Variants in TSPAN13 observed in about 807,000 individuals in gnomAD.
TSPAN13 encodes the protein tetraspanin-13.
Under a neutral mutation model 26.9 loss-of-function variants are expected in TSPAN13, and 18 were observed. The observed-to-expected ratio is 0.67, with a 90% CI of 0.46 to 0.99. TSPAN13 has a LOEUF of 0.99. Among genes scored for constraint, TSPAN13 ranks in the 50% least tolerant of loss-of-function variants. TSPAN13 has a pLI of 0.00. For missense variants in TSPAN13, 201 were observed against 249.6 expected (o/e 0.81, Z 1.31); for synonymous variants, 116 against 98.4 (o/e 1.18, Z -1.06).
intron 5 of TSPAN13, 129 bp from the exon 6 acceptor site, chr7:16,783,288 A>C: frequency 1.1e-6 from 1 of 884,340 alleles, no homozygotes; most frequent in African/African-American, 1.7e-5. Context: ...AAGAAAAAAA[A>C]TCTCTCCCCG....
intron 1 of TSPAN13, among the ~76,000 whole-genome samples, chr7:16,766,987 A>G (rs1042736508): frequency 2.6e-5 from 4 of 152,026 alleles, no homozygotes; most frequent in East Asian, 1.9e-4. Flanking sequence ...GCTGGAGTGC[A>G]GTGGCTATTC....
At chr7:16,768,886 AT>A (rs886888394) in intron 1 of TSPAN13, among the ~76,000 whole-genome samples, 2 of 151,234 alleles carry the variant, frequency 1.3e-5, no homozygotes, top group Non-Finnish European at 2.9e-5. Flanking sequence ...CTCTTATTTT[AT>A]TTTTTTTGAG....
intron 1 of TSPAN13, among the ~76,000 whole-genome samples, chr7:16,761,391 T>C (rs76808794): frequency 0.019 from 2,836 of 152,366 alleles, 81 homozygotes; most frequent in African/African-American, 0.064. Context: ...CGTAGAAACA[T>C]GTGCTTGATC....
chr7:16,757,859 G>C (rs1488505966), intron 1 of TSPAN13, among the ~76,000 whole-genome samples: 1 of 152,106 alleles, frequency 6.6e-6, no homozygotes. Flanking sequence ...TTGAGATGGA[G>C]TTTCACTCTC....
chr7:16,767,297 T>C (rs1166292417), intron 1 of TSPAN13, among the ~76,000 whole-genome samples: 1 of 152,220 alleles, frequency 6.6e-6, no homozygotes, highest in African/African-American at 2.4e-5. Context: ...AGTATTGTTT[T>C]TTGTGTTTGA....
At chr7:16,762,574 C>T (rs1054050524) in intron 1 of TSPAN13, among the ~76,000 whole-genome samples, 3 of 152,140 alleles carry the variant, frequency 2.0e-5, no homozygotes, top group Admixed American at 6.6e-5. Context: ...GGCTTTAAAA[C>T]CAAGACCACA....
intron 1 of TSPAN13, among the ~76,000 whole-genome samples, chr7:16,770,607 T>G (rs1405095845): frequency 6.6e-6 from 1 of 152,248 alleles, no homozygotes; most frequent in Non-Finnish European, 1.5e-5. Flanking sequence ...CCTTCTTTTG[T>G]TATATTTGTC....
chr7:16,778,212 A>G (rs189326737), intron 4 of TSPAN13, among the ~76,000 whole-genome samples: 8 of 152,282 alleles, frequency 5.3e-5, no homozygotes, highest in Non-Finnish European at 1.0e-4. Flanking sequence ...ACGTCAGTTC[A>G]TGTGTTCATA....
Position 16,756,212 on chromosome 7 carries a change from T to G in TSPAN13, c.63+2182T>G, listed in dbSNP as rs190999476. On this transcript the variant is annotated intron_variant, in intron 1 of 5. Transcript: ENST00000262067. ...TGATCTCTTTCTCAACATTTTAAGA[T>G]GAAAAAAATGTGAGGCAGTTGGGGA... is the stretch of plus-strand genomic sequence containing the variant. Among the ~76,000 whole-genome samples, 478 of 152,222 alleles carry G rather than the reference T, an allele frequency of 3.1e-3. 7 individuals are homozygous for G. The highest frequency in any genetic ancestry group is 0.018 in the Admixed American group (272 of 15,292).
At chr7:16,765,707 A>G (rs567711902) in intron 1 of TSPAN13, among the ~76,000 whole-genome samples, 2 of 152,352 alleles carry the variant, frequency 1.3e-5, no homozygotes, top group East Asian at 1.9e-4. Context: ...CATTACCAGC[A>G]ATGAATTAAC....
At chr7:16,754,181 G>T in intron 1 of TSPAN13, 151 bp downstream of exon 1, 1 of 789,580 alleles carries the variant, frequency 1.3e-6, no homozygotes, top group Non-Finnish European at 2.0e-6. Flanking sequence ...CTCACCATCC[G>T]TCCCCGCCGG....
At chr7:16,763,348 C>T (rs931015991) in intron 1 of TSPAN13, among the ~76,000 whole-genome samples, 10 of 152,306 alleles carry the variant, frequency 6.6e-5, no homozygotes, top group African/African-American at 1.2e-4. Flanking sequence ...TTATGATCAA[C>T]ACAAGGTGAA....
chr7:16,757,815 G>A (rs10256794), intron 1 of TSPAN13, among the ~76,000 whole-genome samples: 3,340 of 152,134 alleles, frequency 0.022, 139 homozygotes, highest in African/African-American at 0.076. Context: ...CACCTCTGAA[G>A]TTGGGATGCA....
At chr7:16,770,269 A>G (rs1400931811) in intron 1 of TSPAN13, among the ~76,000 whole-genome samples, 1 of 151,970 alleles carries the variant, frequency 6.6e-6, no homozygotes, top group East Asian at 1.9e-4. Flanking sequence ...GCAGTGGCAC[A>G]ATCTCGGCTC....
At chr7:16,754,266 C>T (rs1784456279) in intron 1 of TSPAN13, among the ~76,000 whole-genome samples, 1 of 152,198 alleles carries the variant, frequency 6.6e-6, no homozygotes, top group Admixed American at 6.5e-5. Context: ...GGCTCGCTGG[C>T]CGCGTCTCTG....
rs376300445 is a variant in TSPAN13, at chr7:16,779,032, G to T, written c.456G>T (p.Ser152=). ...GTGTTAAAAGTGACCACTCGTGCTC[G>T]CCATGTGCTCCAATCATAGGAGAAT... ...ASCVKSDHSC[S]PCAPIIGEYA... is the part of the protein sequence containing the mutation. Residue 152 remains serine, a synonymous_variant, in exon 5 of 6, where the codon TCG becomes TCT. Coordinates refer to ENST00000262067, the MANE Select transcript of TSPAN13 (RefSeq NM_014399.4). 1.2e-6 allele frequency: 2 copies of T among 1,613,790 alleles called. No homozygotes were observed. The highest frequency in any genetic ancestry group is 4.5e-5 in the East Asian group (2 of 44,846).
intron 1 of TSPAN13, among the ~76,000 whole-genome samples, chr7:16,761,584 G>T (rs1368169003): frequency 6.6e-6 from 1 of 151,716 alleles, no homozygotes; most frequent in Non-Finnish European, 1.5e-5. Flanking sequence ...AGTGTGTGAT[G>T]ATAGCTTACT....
chr7:16,770,156 C>T lies in TSPAN13; in HGVS notation c.64-6055C>T, dbSNP rs563768681. Among the ~76,000 whole-genome samples the T allele has an allele frequency of 1.1e-3, 170 of 148,936 alleles. 1 individual carries two copies. The highest frequency in any genetic ancestry group is 3.0e-4 in the Non-Finnish European group (20 of 66,814). On this transcript the variant is annotated intron_variant, in intron 1 of 5. Transcript: ENST00000262067. ...TGGGTTTTTAAAATAGTTTTTATTCCCCTTTTATCTTTTTATTTTTCTGTT... is the reference window on the plus strand; with the variant it reads ...TGGGTTTTTAAAATAGTTTTTATTCTCCTTTTATCTTTTTATTTTTCTGTT...
chr7:16,783,358 T>TA, intron 5 of TSPAN13, 59 bp from the exon 6 acceptor site: 1 of 1,511,322 alleles, frequency 6.6e-7, no homozygotes, highest in East Asian at 2.3e-5. Flanking sequence ...ATCAACTGAA[T>TA]AAATATACAT....
Sources: allele counts gnomAD v4.1 joint callset (sites outside exome capture counted in the v4.1 genomes callset), GRCh38; gene constraint gnomAD v4.1.1; transcripts MANE v1.5; gene names NCBI Gene and HGNC (gene_info 2026-07-23, HGNC 2026-07-21).